ATL2: variants seen among roughly 807,000 people sequenced by gnomAD.
ATL2 encodes atlastin-2.
Under a neutral mutation model 73.9 loss-of-function variants are expected in ATL2, and 31 were observed. The ratio of observed to expected loss-of-function variants is 0.42; its 90% CI spans 0.32 to 0.57. The LOEUF (loss-of-function observed/expected upper bound fraction) is 0.57. Ranked by LOEUF, ATL2 falls within the 20% of genes least tolerant of loss-of-function variation. ATL2 has a pLI of 0.14. For missense variants in ATL2, 738 were observed against 702.6 expected, an observed-to-expected ratio of 1.05 and a Z score of -0.57; for synonymous variants, 291 against 237.5, an observed-to-expected ratio of 1.23 and a Z score of -2.07.
In ATL2 at chr2:38,295,560, T is replaced by A. The variant is rs1030161591; in HGVS notation, c.*434A>T. 2.6e-5 allele frequency: 4 copies of A among 153,902 alleles called. No individual in the cohort carries two copies. Among genetic ancestry groups the A allele is most frequent in the African/African-American group, 9.6e-5 (4 of 41,470 alleles). The allele number at this position is 153,902 out of a possible 1,614,324, so 9.5% of individuals were successfully genotyped here. On this transcript the variant is annotated 3_prime_UTR_variant, in exon 13 of 13. Transcript: ENST00000378954. ...ATATACTTTTAATGTAGTGGCTCAA[T>A]AAAGGCTTCATTGTCTTTCCAATCT...
At chr2:38,302,562 G>A (rs948579276) in intron 9 of ATL2, among the ~76,000 whole-genome samples, 7 of 152,134 alleles carry the variant, frequency 4.6e-5, no homozygotes, top group African/African-American at 1.7e-4. Context: ...AGGGATGGTG[G>A]CCACAATGGT....
At chr2:38,370,036 C>A (rs932687691) in intron 1 of ATL2, among the ~76,000 whole-genome samples, 1 of 150,238 alleles carries the variant, frequency 6.7e-6, no homozygotes, top group Non-Finnish European at 1.5e-5. Context: ...CGCCTGTAGT[C>A]CCAGGTACTC....
chr2:38,377,109 A>G (rs566076423), intron 1 of ATL2, 34 bp downstream of exon 1: 4 of 1,592,100 alleles, frequency 2.5e-6, no homozygotes, highest in Admixed American at 3.4e-5. Flanking sequence ...TCTCCCCATC[A>G]GGGCCCCGCG....
chr2:38,313,562 T>G (rs1558398499), intron 6 of ATL2, among the ~76,000 whole-genome samples: 2 of 152,186 alleles, frequency 1.3e-5, no homozygotes, highest in Non-Finnish European at 1.5e-5. Context: ...TAAATCATGG[T>G]TGTGTAACTA....
chr2:38,346,250 A>G (rs1018396875), intron 1 of ATL2, among the ~76,000 whole-genome samples: 6 of 152,184 alleles, frequency 3.9e-5, no homozygotes, highest in African/African-American at 1.4e-4. Flanking sequence ...ACAGTACCTC[A>G]CACTGTAGCA....
chr2:38,302,462 G>A (rs1365526249), intron 9 of ATL2, among the ~76,000 whole-genome samples: 1 of 152,104 alleles, frequency 6.6e-6, no homozygotes, highest in Non-Finnish European at 1.5e-5. Context: ...GGCCTTGACT[G>A]ACCACAGGCA....
chr2:38,309,311 T>A, intron 9 of ATL2, 68 bp downstream of exon 9: 1 of 1,428,760 alleles, frequency 7.0e-7, no homozygotes. Context: ...AAATTTCTTA[T>A]ACATACAGAT....
chr2:38,348,421 G>A (rs1025973620), intron 1 of ATL2, among the ~76,000 whole-genome samples: 12 of 151,426 alleles, frequency 7.9e-5, no homozygotes, highest in African/African-American at 2.7e-4. Context: ...AGCCAAGATT[G>A]CGCCATTGCA....
intron 1 of ATL2, among the ~76,000 whole-genome samples, chr2:38,351,599 T>C (rs1330578051): frequency 2.0e-5 from 3 of 151,642 alleles, no homozygotes; most frequent in Admixed American, 2.0e-4. Context: ...GTTCAAGCAA[T>C]TCTTCTGTCA....
rs1482184920 is a variant in ATL2 at position 38,295,757 on chromosome 2, G to A, written c.*237C>T. On this transcript the variant is annotated 3_prime_UTR_variant, in exon 13 of 13. Transcript: ENST00000378954. The stretch of plus-strand genomic sequence containing the variant: ...AAAAGAAATAAAAGAGTTAAACATG[G>A]CACAAAGGTGCATGATTAACCAATG... The A allele has an allele frequency of 2.9e-6, 1 of 343,154 alleles. No individual in the cohort carries two copies. The highest frequency in any genetic ancestry group is 4.8e-5 in the East Asian group (1 of 20,704). 21.3% of individuals were successfully genotyped at this position (343,154 alleles called of 1,614,324 possible).
In ATL2 at chr2:38,348,125, C is replaced by T. The variant is rs1055488798; in HGVS notation, c.119-4613G>A. Reference sequence around the variant, plus strand: ...ATCAAATAGCTTGGGGAAATACCTCCGACAACTCAAGAGTATTAAGTATAC... The same window carrying T: ...ATCAAATAGCTTGGGGAAATACCTCTGACAACTCAAGAGTATTAAGTATAC... On this transcript the variant is annotated intron_variant, in intron 1 of 12. Coordinates refer to ENST00000378954, the MANE Select transcript of ATL2 (RefSeq NM_001135673.4). 3.3e-5 allele frequency among the ~76,000 whole-genome samples: 5 copies of T among 152,016 alleles called. 1 individual carries two copies. The highest frequency in any genetic ancestry group is 6.6e-5 in the Admixed American group (1 of 15,252).
intron 2 of ATL2, among the ~76,000 whole-genome samples, chr2:38,333,883 C>T (rs12712588): frequency 0.26 from 39,424 of 152,022 alleles, 5,171 homozygotes; most frequent in South Asian, 0.37. Context: ...TTTGATGAAG[C>T]TTTTCTGACT....
At chr2:38,334,341 T>A (rs1669178868) in intron 2 of ATL2, among the ~76,000 whole-genome samples, 1 of 151,054 alleles carries the variant, frequency 6.6e-6, no homozygotes, top group Admixed American at 6.6e-5. Flanking sequence ...AATCCCCTTA[T>A]CTTATATTCA....
chr2:38,308,684 T>C (rs1667584224), intron 9 of ATL2, among the ~76,000 whole-genome samples: 2 of 152,112 alleles, frequency 1.3e-5, no homozygotes, highest in Admixed American at 6.5e-5. Context: ...TTATTAGACA[T>C]TGTATGCCTG....
intron 1 of ATL2, among the ~76,000 whole-genome samples, chr2:38,361,171 G>T (rs1052962556): frequency 1.3e-5 from 2 of 151,630 alleles, no homozygotes; most frequent in Admixed American, 1.3e-4. Context: ...GGCTAACGTG[G>T]TGAAACCCCA....
intron 1 of ATL2, among the ~76,000 whole-genome samples, chr2:38,344,232 T>G (rs1215557657): frequency 6.6e-6 from 1 of 152,216 alleles, no homozygotes; most frequent in Non-Finnish European, 1.5e-5. Context: ...CAATTTCACC[T>G]GATACTTCAA....
At position 38,354,845 on chromosome 2, in the gene ATL2, G is replaced by T. The variant is rs1670568599; in HGVS notation, c.119-11333C>A. ...GCGGAGGTTGCAGTGAGCCGAGATTGTGCCATTGCACTCCAACCTGGGTAA... is the reference window on the plus strand; with the variant it reads ...GCGGAGGTTGCAGTGAGCCGAGATTTTGCCATTGCACTCCAACCTGGGTAA... On this transcript the variant is annotated intron_variant, in intron 1 of 12. Coordinates refer to ENST00000378954, the MANE Select transcript of ATL2 (RefSeq NM_001135673.4). 2.6e-5 allele frequency among the ~76,000 whole-genome samples: 4 copies of T among 152,066 alleles called. No homozygotes were observed. The South Asian group carries it at 8.3e-4, about 32-fold the overall frequency.
Position 38,294,418 on chromosome 2 carries a change from C to G in ATL2, c.*1576G>C, listed in dbSNP as rs566759546. Among the ~76,000 whole-genome samples the G allele has an allele frequency of 2.0e-5, 3 of 152,220 alleles. No homozygotes were observed. The highest frequency in any genetic ancestry group is 2.1e-4 in the South Asian group (1 of 4,826). On this transcript the variant is annotated 3_prime_UTR_variant, in exon 13 of 13. Transcript: ENST00000378954. ...AAAACATTAGCCGGGAATGGTGGCA[C>G]GCACCTGTAGTCCCAGCTACTCAGG...
chr2:38,356,084 C>G (rs949930240), intron 1 of ATL2, among the ~76,000 whole-genome samples: 3 of 151,864 alleles, frequency 2.0e-5, no homozygotes, highest in Non-Finnish European at 2.9e-5. Context: ...ACAACCCTAC[C>G]CACAAGAAAA....
Sources: allele counts gnomAD v4.1 joint callset (sites outside exome capture counted in the v4.1 genomes callset), GRCh38; gene constraint gnomAD v4.1.1; transcripts MANE v1.5; gene names NCBI Gene and HGNC (gene_info 2026-07-23, HGNC 2026-07-21).